The following PKP4 variants were observed in gnomAD, a reference collection of about 807,000 sequenced individuals.
PKP4 encodes plakophilin-4.
A neutral mutation model predicts 145.1 loss-of-function variants in PKP4; 90 were observed. The ratio of observed to expected loss-of-function variants is 0.62; its 90% CI spans 0.52 to 0.74. PKP4 has a LOEUF of 0.74. Ranked by LOEUF, PKP4 falls within the 30% of genes least tolerant of loss-of-function variation. PKP4 has a pLI of 0.00. For missense variants in PKP4, 1,340 were observed against 1,482.7 expected, an observed-to-expected ratio of 0.90 and a Z score of 1.58; for synonymous variants, 563 against 577.2, an observed-to-expected ratio of 0.98 and a Z score of 0.35.
At chr2:158,664,317 T>G (rs1336983612) in intron 15 of PKP4, among the ~76,000 whole-genome samples, 1 of 152,160 alleles carries the variant, frequency 6.6e-6, no homozygotes, top group Non-Finnish European at 1.5e-5. Context: ...GTGTCTAAGG[T>G]TTCTGCATCT....
At chr2:158,573,117 T>G (rs1478841540) in intron 2 of PKP4, among the ~76,000 whole-genome samples, 1 of 152,242 alleles carries the variant, frequency 6.6e-6, no homozygotes, top group Non-Finnish European at 1.5e-5. Context: ...CCAAGGTTCA[T>G]GATGAGAACA....
At chr2:158,662,742 A>G (rs1198208596) in intron 13 of PKP4, 155 bp from the exon 14 acceptor site, 1 of 596,100 alleles carries the variant, frequency 1.7e-6, no homozygotes, top group African/African-American at 1.9e-5. Context: ...ACACTCTAGA[A>G]TCATAATTCT....
intron 1 of PKP4, among the ~76,000 whole-genome samples, chr2:158,512,207 C>T (rs955240615): frequency 2.0e-5 from 3 of 152,100 alleles, no homozygotes; most frequent in Non-Finnish European, 2.9e-5. Flanking sequence ...ATACTAAACT[C>T]GTATATCTTG....
In PKP4 at chr2:158,551,123, CT is replaced by C. The variant is rs1223941395; in HGVS notation, c.132+17811del. ...TATTCTGTAATGTAACTCTGATTTGCTTTTAGGCTTACGTGGAAAAGAATAG... is the reference window on the plus strand; with the variant it reads ...TATTCTGTAATGTAACTCTGATTTGCTTTAGGCTTACGTGGAAAAGAATAG... On this transcript the variant is annotated intron_variant, in intron 2 of 21. Transcript: ENST00000389759. 2.6e-5 allele frequency among the ~76,000 whole-genome samples: 4 copies of C among 152,060 alleles called. No individual in the cohort carries two copies. In the South Asian group the frequency reaches 6.2e-4, roughly 24 times the overall value.
At position 158,659,310 on chromosome 2, in the gene PKP4, C is replaced by G. The variant is rs373138104; in HGVS notation, c.2093+996C>G. ...CCACATCTCAGGGTGGGTCTCATGG[C>G]CTAGCAATCATCCAGGGAGCTAGGA... On this transcript the variant is annotated intron_variant, in intron 12 of 21. Coordinates refer to ENST00000389759, the MANE Select transcript of PKP4 (RefSeq NM_003628.6). The G allele has an allele frequency of 2.6e-5, 4 of 152,308 alleles. No homozygotes were observed. In the East Asian group the frequency reaches 7.7e-4, roughly 29 times the overall value. 9.4% of individuals were successfully genotyped at this position (152,308 alleles called of 1,614,324 possible). A position where few individuals can be genotyped will look rare whatever the true frequency, so the allele number is the denominator to read the frequency against.
At chr2:158,551,681 C>T (rs2045638652) in intron 2 of PKP4, among the ~76,000 whole-genome samples, 1 of 152,110 alleles carries the variant, frequency 6.6e-6, no homozygotes, top group Non-Finnish European at 1.5e-5. Context: ...TTTATATTTG[C>T]TAATTTACCA....
At chr2:158,554,016 T>C (rs2045857315) in intron 2 of PKP4, among the ~76,000 whole-genome samples, 1 of 151,966 alleles carries the variant, frequency 6.6e-6, no homozygotes, top group Non-Finnish European at 1.5e-5. Flanking sequence ...GACATGAATT[T>C]ATTTCTTTAA....
At chr2:158,516,584 A>G (rs1015033677) in intron 1 of PKP4, among the ~76,000 whole-genome samples, 5 of 152,162 alleles carry the variant, frequency 3.3e-5, no homozygotes, top group African/African-American at 1.2e-4. Flanking sequence ...TAGTTCATGT[A>G]GAAAGAAAAA....
chr2:158,599,664 G>A (rs2050062572), intron 3 of PKP4, among the ~76,000 whole-genome samples: 1 of 152,116 alleles, frequency 6.6e-6, no homozygotes, highest in South Asian at 2.1e-4. Context: ...AATCTTCTCT[G>A]GCTTATGTAA....
intron 1 of PKP4, among the ~76,000 whole-genome samples, chr2:158,490,352 A>T (rs1371636244): frequency 3.2e-5 from 3 of 92,320 alleles, no homozygotes; most frequent in Non-Finnish European, 8.9e-5. Flanking sequence ...AATTGATTTA[A>T]AAAAAAAAAA....
intron 3 of PKP4, among the ~76,000 whole-genome samples, chr2:158,599,227 G>A (rs2050028244): frequency 6.6e-6 from 1 of 152,178 alleles, no homozygotes; most frequent in African/African-American, 2.4e-5. Context: ...GACCAGTTAG[G>A]AGAGAGACTG....
intron 2 of PKP4, among the ~76,000 whole-genome samples, chr2:158,542,594 C>G (rs2044616288): frequency 6.6e-6 from 1 of 152,006 alleles, no homozygotes; most frequent in Non-Finnish European, 1.5e-5. Flanking sequence ...CTTCAGTTTC[C>G]CACTGAAAAC....
At chr2:158,628,201 G>A (rs886219686) in intron 7 of PKP4, among the ~76,000 whole-genome samples, 17 of 151,954 alleles carry the variant, frequency 1.1e-4, no homozygotes, top group South Asian at 6.2e-4. Context: ...GGATGTTCTC[G>A]ATCTCTTGAC....
chr2:158,673,574 T>G, intron 17 of PKP4, 103 bp from the exon 18 acceptor site: 2 of 835,756 alleles, frequency 2.4e-6, no homozygotes, highest in Non-Finnish European at 4.1e-6. Context: ...CCTGTGGCCC[T>G]GAGAGCGATG....
intron 21 of PKP4, chr2:158,679,327 G>C (rs575044207): frequency 6.6e-6 from 1 of 152,664 alleles, no homozygotes; most frequent in Admixed American, 6.5e-5. Context: ...CCTAAAACAA[G>C]ACTGTATCCT....
chr2:158,496,759 C>CGTGTGTGTGTGTGTGT (rs58108158), intron 1 of PKP4, among the ~76,000 whole-genome samples: 1 of 144,856 alleles, frequency 6.9e-6, no homozygotes, highest in African/African-American at 2.5e-5. Context: ...CTTCTCTCTC[C>CGTGTGTGTGTGTGTGT]GTGTGTGTGT....
intron 1 of PKP4, among the ~76,000 whole-genome samples, chr2:158,461,474 T>C (rs1689759844): frequency 6.6e-6 from 1 of 152,222 alleles, no homozygotes; most frequent in African/African-American, 2.4e-5. Flanking sequence ...AGGGATTGTA[T>C]TGTGAGATTT....
chr2:158,563,263 T>C (rs1162834963), intron 2 of PKP4, among the ~76,000 whole-genome samples: 1 of 152,110 alleles, frequency 6.6e-6, no homozygotes, highest in African/African-American at 2.4e-5. Flanking sequence ...TTACAAAAAT[T>C]AATAACAAAA....
chr2:158,575,962 A>G (rs1395950027), intron 2 of PKP4, among the ~76,000 whole-genome samples: 1 of 152,186 alleles, frequency 6.6e-6, no homozygotes. Context: ...ATTGTTAGGC[A>G]GAGGCAGGCA....
Sources: allele counts gnomAD v4.1 joint callset (sites outside exome capture counted in the v4.1 genomes callset), GRCh38; gene constraint gnomAD v4.1.1; transcripts MANE v1.5; gene names NCBI Gene and HGNC (gene_info 2026-07-23, HGNC 2026-07-21).